BMPR1A: variants seen among roughly 807,000 people sequenced by gnomAD.
BMPR1A encodes bone morphogenetic protein receptor type-1A.
BMPR1A carries 7 observed loss-of-function variants against 66.0 expected under a neutral mutation model. The ratio of observed to expected loss-of-function variants is 0.11; its 90% CI spans 0.06 to 0.20. BMPR1A has a LOEUF of 0.20. BMPR1A is among the 10% of genes least tolerant of loss of function. BMPR1A has a pLI of 1.00. For synonymous variants in BMPR1A, 200 were observed against 229.7 expected, an observed-to-expected ratio of 0.87 and a Z score of 1.17; for missense variants, 408 against 669.1, an observed-to-expected ratio of 0.61 and a Z score of 4.31.
chr10:86,805,586 C>G (rs957128591), intron 1 of BMPR1A, among the ~76,000 whole-genome samples: 3 of 151,872 alleles, frequency 2.0e-5, no homozygotes, highest in Non-Finnish European at 4.4e-5. Context: ...CTCAGCCTCC[C>G]GAGTAGCTAG....
At chr10:86,837,827 A>G (rs1049220804) in intron 1 of BMPR1A, among the ~76,000 whole-genome samples, 3 of 152,216 alleles carry the variant, frequency 2.0e-5, no homozygotes, top group African/African-American at 7.2e-5. Flanking sequence ...CGGACCATGA[A>G]AGATACAGCA....
rs578190444 is a variant in BMPR1A, at chr10:86,909,144, A to G, written c.531-3096A>G. Among the ~76,000 whole-genome samples, 204 of 152,318 alleles carry G rather than the reference A, an allele frequency of 1.3e-3. 1 individual carries two copies. The highest frequency in any genetic ancestry group is 3.4e-3 in the Middle Eastern group (1 of 294). On this transcript the variant is annotated intron_variant, in intron 7 of 12. Coordinates refer to ENST00000372037, the MANE Select transcript of BMPR1A (RefSeq NM_004329.3). ...CTGAATGTTGAGCTAAACAAATAAT[A>G]TAACTGTAAGGAGGATGTGAGGATG...
rs542239856 is a variant in BMPR1A, at chr10:86,924,315, A to C, written c.*596A>C. On this transcript the variant is annotated 3_prime_UTR_variant, in exon 13 of 13. Transcript: ENST00000372037. Reference sequence around the variant, plus strand: ...AGAAGAAAATAATTTATATGCATGCACAGGAAGATATTGGTGGCCGGTGGT... The same window carrying C: ...AGAAGAAAATAATTTATATGCATGCCCAGGAAGATATTGGTGGCCGGTGGT... The C allele has an allele frequency of 4.2e-6, 1 of 238,190 alleles. No individual in the cohort carries two copies. The highest frequency in any genetic ancestry group is 1.7e-4 in the South Asian group (1 of 5,930). 14.8% of individuals were successfully genotyped at this position (238,190 alleles called of 1,614,324 possible).
intron 2 of BMPR1A, among the ~76,000 whole-genome samples, chr10:86,867,533 C>A (rs925672859): frequency 1.3e-5 from 2 of 152,190 alleles, no homozygotes; most frequent in African/African-American, 4.8e-5. Context: ...CATTACGAAT[C>A]TCTTCGAAGT....
At chr10:86,776,759 A>G (rs899650184) in intron 1 of BMPR1A, among the ~76,000 whole-genome samples, 3 of 152,126 alleles carry the variant, frequency 2.0e-5, no homozygotes, top group South Asian at 2.1e-4. Context: ...TTTGTCTTAT[A>G]TGGCTCATTT....
chr10:86,791,841 C>G (rs115871273), intron 1 of BMPR1A, among the ~76,000 whole-genome samples: 9,810 of 149,884 alleles, frequency 0.065, 409 homozygotes, highest in Non-Finnish European at 0.076. Context: ...CCATGTCAGC[C>G]TTCCCGAGTA....
chr10:86,833,471 C>A (rs1040151715), intron 1 of BMPR1A, among the ~76,000 whole-genome samples: 11 of 152,178 alleles, frequency 7.2e-5, no homozygotes, highest in Admixed American at 6.5e-4. Context: ...CTAGAATGAG[C>A]AGCATTTAGT....
At chr10:86,882,220 C>T (rs1258039830) in intron 3 of BMPR1A, among the ~76,000 whole-genome samples, 1 of 151,992 alleles carries the variant, frequency 6.6e-6, no homozygotes, top group Non-Finnish European at 1.5e-5. Flanking sequence ...CTCAGGAGTT[C>T]GAGACCAGCC....
chr10:86,912,562 A>T (rs1214547483), intron 8 of BMPR1A, among the ~76,000 whole-genome samples, 178 bp downstream of exon 8: 3 of 152,196 alleles, frequency 2.0e-5, no homozygotes, highest in Middle Eastern at 3.2e-3. Flanking sequence ...AGAAATATGA[A>T]CCAAGAAAAA....
chr10:86,919,290 A>C lies in BMPR1A; in HGVS notation c.987A>C (p.Arg329Ser), dbSNP rs753521037. The C allele has an allele frequency of 1.1e-5, 18 of 1,614,014 alleles. 1 individual carries two copies. Among genetic ancestry groups the C allele is most frequent in the Middle Eastern group, 3.3e-4 (2 of 6,042 alleles). Residue 329 changes from arginine to serine, a missense_variant, in exon 10 of 13, where the codon AGA becomes AGC. Arg to Ser is a moderately radical substitution (Grantham distance 110, BLOSUM62 -1). Around this residue, in one of 5 missense-constraint regions of BMPR1A, gnomAD observed 23 missense variants for 17.2 expected, o/e 1.34. Coordinates refer to ENST00000372037, the MANE Select transcript of BMPR1A (RefSeq NM_004329.3). ...TGAAATGTGCTACACTGGACACCAG[A>C]GCCCTGCTTAAATTGGCTTATTCAG... Reference protein sequence around the residue: ...DFLKCATLDTRALLKLAYSAA... With the variant: ...DFLKCATLDTSALLKLAYSAA...
intron 1 of BMPR1A, among the ~76,000 whole-genome samples, chr10:86,769,150 C>T (rs941141454): frequency 2.6e-5 from 4 of 152,146 alleles, no homozygotes; most frequent in Admixed American, 2.6e-4. Flanking sequence ...ATCATCAGTA[C>T]TGGCAAATTG....
chr10:86,791,127 A>G (rs1208665833), intron 1 of BMPR1A, among the ~76,000 whole-genome samples: 2 of 152,186 alleles, frequency 1.3e-5, no homozygotes, highest in African/African-American at 4.8e-5. Flanking sequence ...GATAACTCAG[A>G]AGAAATTTTA....
At chr10:86,784,962 A>T (rs1363167581) in intron 1 of BMPR1A, among the ~76,000 whole-genome samples, 1 of 151,892 alleles carries the variant, frequency 6.6e-6, no homozygotes, top group Non-Finnish European at 1.5e-5. Flanking sequence ...AAATGTAGGC[A>T]TTTACTGCTA....
intron 2 of BMPR1A, among the ~76,000 whole-genome samples, chr10:86,858,666 G>T (rs2133221212): frequency 6.6e-6 from 1 of 152,240 alleles, no homozygotes; most frequent in South Asian, 2.1e-4. Context: ...AGCAGAAAAA[G>T]AAGAGAGTAA....
At chr10:86,908,125 G>A (rs1171837486) in intron 7 of BMPR1A, among the ~76,000 whole-genome samples, 2 of 152,038 alleles carry the variant, frequency 1.3e-5, no homozygotes, top group Non-Finnish European at 1.5e-5. Flanking sequence ...GATTGCTTGA[G>A]CCCAGGAGGC....
Position 86,917,317 on chromosome 10 carries a change from A to G in BMPR1A, c.859A>G (p.Asn287Asp). The G allele has an allele frequency of 6.2e-7, 1 of 1,614,182 alleles. No homozygotes were observed. The highest frequency in any genetic ancestry group is 8.5e-7 in the Non-Finnish European group (1 of 1,180,016). ...IYQTVLMRHE[N>D]ILGFIAADIK... ...CCAAACTGTGCTAATGCGCCATGAA[A>G]ACATACTTGGTGGGTACACACTGAT... The change falls in exon 9 of 13, where the codon AAC (asparagine) becomes GAC (aspartate). Residue 287 changes from asparagine to aspartate, a missense_variant. Asn to Asp is a conservative substitution (Grantham distance 23). Around this residue, in one of 5 missense-constraint regions of BMPR1A, gnomAD observed 174 missense variants for 265.1 expected, o/e 0.66. Transcript: ENST00000372037.
chr10:86,817,584 A>G (rs1489322258), intron 1 of BMPR1A, among the ~76,000 whole-genome samples: 1 of 152,234 alleles, frequency 6.6e-6, no homozygotes, highest in South Asian at 2.1e-4. Flanking sequence ...CTGTAAACAA[A>G]TGCCAACAAA....
At chr10:86,791,357 C>A (rs972740919) in intron 1 of BMPR1A, among the ~76,000 whole-genome samples, 3 of 151,908 alleles carry the variant, frequency 2.0e-5, no homozygotes, top group African/African-American at 7.2e-5. Context: ...GGACTACAGG[C>A]ACGTGCCACC....
At chr10:86,850,058 T>C (rs1842545931) in intron 2 of BMPR1A, among the ~76,000 whole-genome samples, 2 of 152,122 alleles carry the variant, frequency 1.3e-5, no homozygotes, top group Admixed American at 1.3e-4. Flanking sequence ...CAGTGGCTCA[T>C]GCCTGTAATC....
Sources: gnomAD v4.1 joint callset for allele counts (sites outside exome capture counted in the v4.1 genomes callset) on GRCh38, gnomAD v4.1.1 for gene constraint, gnomAD v4.1.1 regional missense constraint, MANE v1.5 for transcripts, NCBI Gene and HGNC (gene_info 2026-07-23, HGNC 2026-07-21) for gene names.